The following IGSF21 variants were observed in gnomAD, a reference collection of about 807,000 sequenced individuals.
IGSF21 encodes the protein immunoglobin superfamily member 21, also known as immunoglobulin superfamily member 21.
IGSF21 carries 28 observed loss-of-function variants against 46.8 expected under a neutral mutation model. That is an observed-to-expected ratio of 0.60 (90% CI 0.44 to 0.82). The LOEUF (loss-of-function observed/expected upper bound fraction) is 0.82. Ranked by LOEUF, IGSF21 falls within the 40% of genes least tolerant of loss-of-function variation. IGSF21 has a pLI of 0.00. For missense variants in IGSF21, 624 were observed against 665.5 expected (o/e 0.94, Z 0.69); for synonymous variants, 284 against 273.6 (o/e 1.04, Z -0.38).
At chr1:18,143,107 G>A (rs1031084488) in intron 1 of IGSF21, among the ~76,000 whole-genome samples, 10 of 152,236 alleles carry the variant, frequency 6.6e-5, no homozygotes, top group African/African-American at 2.2e-4. Flanking sequence ...GATGTCTGCG[G>A]TTCAGCTTCC....
At chr1:18,255,158 C>A (rs1400176680) in intron 2 of IGSF21, among the ~76,000 whole-genome samples, 3 of 152,180 alleles carry the variant, frequency 2.0e-5, no homozygotes, top group Non-Finnish European at 2.9e-5. Flanking sequence ...AGAAGTGTCC[C>A]AGCACCTGGA....
chr1:18,251,556 A>G (rs1332745960), intron 2 of IGSF21, among the ~76,000 whole-genome samples: 1 of 152,124 alleles, frequency 6.6e-6, no homozygotes, highest in African/African-American at 2.4e-5. Context: ...AGTCATGTGG[A>G]TTGCTCTTAT....
intron 1 of IGSF21, among the ~76,000 whole-genome samples, chr1:18,174,072 A>G (rs772896113): frequency 3.9e-5 from 6 of 152,184 alleles, no homozygotes; most frequent in Non-Finnish European, 7.3e-5. Context: ...TTTTAAAATC[A>G]TACTTTCCAT....
rs1386662055 is a variant in IGSF21 at position 18,290,968 on chromosome 1, T to TC, written c.184-895dup. Among the ~76,000 whole-genome samples the TC allele has an allele frequency of 6.6e-6, 1 of 152,148 alleles. No homozygotes were observed. The highest frequency in any genetic ancestry group is 1.9e-4 in the East Asian group (1 of 5,166). Reference sequence around the variant, plus strand: ...AGCTGAGCTGCGAGAGGCTGCAAGCTCCCAGTCTATAATAGAGTTGCTGAG... The same window carrying TC: ...AGCTGAGCTGCGAGAGGCTGCAAGCTCCCCAGTCTATAATAGAGTTGCTGAG... On this transcript the variant is annotated intron_variant, in intron 2 of 9. Coordinates refer to ENST00000251296, the MANE Select transcript of IGSF21 (RefSeq NM_032880.5). This position sits in a 1 kb window ranked among gnomAD's most constrained non-coding sequence, Gnocchi z 4.2.
At chr1:18,354,991 CA>C (rs935458096) in intron 4 of IGSF21, among the ~76,000 whole-genome samples, 22 of 152,184 alleles carry the variant, frequency 1.4e-4, no homozygotes, top group African/African-American at 5.3e-4. Context: ...GAGAGGCTGG[CA>C]GGGTATGTCT....
intron 4 of IGSF21, among the ~76,000 whole-genome samples, chr1:18,358,026 A>C (rs1388270914): frequency 1.3e-5 from 2 of 151,184 alleles, no homozygotes; most frequent in Non-Finnish European, 2.9e-5. Context: ...TTAGGTGCAG[A>C]TCTCCAGAGA....
chr1:18,375,587 A>G (rs1295363248), intron 6 of IGSF21, among the ~76,000 whole-genome samples: 3 of 152,172 alleles, frequency 2.0e-5, no homozygotes, highest in Non-Finnish European at 4.4e-5. Context: ...GAAAGTGAGG[A>G]AGAGAGGCAG....
chr1:18,365,728 C>T lies in IGSF21; in HGVS notation c.1015+31C>T. The T allele has an allele frequency of 6.5e-7, 1 of 1,548,448 alleles. No individual in the cohort carries two copies. On this transcript the variant is annotated intron_variant, in intron 6 of 9. Transcript: ENST00000251296. The surrounding 1 kb of genome is among the most constrained non-coding windows in gnomAD (Gnocchi z 4.8). The stretch of plus-strand genomic sequence containing the variant: ...ACTTGGTGGGGGCCCTTCTGTAGAG[C>T]CCTTGCAGACCTGGGTGTGGGGAGA...
chr1:18,237,602 G>A (rs1175900578), intron 2 of IGSF21, among the ~76,000 whole-genome samples: 2 of 152,172 alleles, frequency 1.3e-5, no homozygotes, highest in African/African-American at 4.8e-5. Flanking sequence ...CCTCTGTGAA[G>A]CCTTCTGACC....
At chr1:18,323,095 G>A (rs1049920571) in intron 3 of IGSF21, among the ~76,000 whole-genome samples, 1 of 152,212 alleles carries the variant, frequency 6.6e-6, no homozygotes, top group Non-Finnish European at 1.5e-5. Flanking sequence ...AGGATCCCAA[G>A]CTAAGCTCTC....
chr1:18,146,412 C>T (rs563673158), intron 1 of IGSF21, among the ~76,000 whole-genome samples: 6 of 152,156 alleles, frequency 3.9e-5, no homozygotes, highest in East Asian at 1.9e-4. Flanking sequence ...GCTCAGCGGG[C>T]GACCTTGACT....
At chr1:18,339,365 A>G (rs919173231) in intron 4 of IGSF21, among the ~76,000 whole-genome samples, 6 of 152,198 alleles carry the variant, frequency 3.9e-5, no homozygotes, top group African/African-American at 1.4e-4. Flanking sequence ...CAAACCTCAA[A>G]CAAGCACTGG....
chr1:18,359,385 A>T (rs985652129), intron 4 of IGSF21, among the ~76,000 whole-genome samples: 68 of 68,530 alleles, frequency 9.9e-4, no homozygotes, highest in African/African-American at 3.9e-3. Flanking sequence ...AAAGAAAGAA[A>T]GGAAGGAAGG....
At chr1:18,135,032 T>G (rs951446637) in intron 1 of IGSF21, among the ~76,000 whole-genome samples, 2 of 152,192 alleles carry the variant, frequency 1.3e-5, no homozygotes, top group Non-Finnish European at 2.9e-5. Context: ...GTCAGCTTAG[T>G]GAGCTGGGGT....
intron 3 of IGSF21, among the ~76,000 whole-genome samples, chr1:18,330,538 G>A (rs1231682129): frequency 6.8e-6 from 1 of 147,870 alleles, no homozygotes; most frequent in African/African-American, 2.6e-5. Context: ...GAAGGTGGGA[G>A]ACATGGCTGG....
At position 18,229,776 on chromosome 1, in the gene IGSF21, A is replaced by T. The variant is rs1351490769; in HGVS notation, c.183+1766A>T. 3.9e-5 allele frequency among the ~76,000 whole-genome samples: 6 copies of T among 152,340 alleles called. No homozygotes were observed. In the East Asian group the frequency reaches 1.2e-3, roughly 29 times the overall value. Reference sequence around the variant, plus strand: ...TCACTAAGAGGTGTATTTACAGGATATGGGAACTGCTTGGCTGACACAGGC... The same window carrying T: ...TCACTAAGAGGTGTATTTACAGGATTTGGGAACTGCTTGGCTGACACAGGC... On this transcript the variant is annotated intron_variant, in intron 2 of 9. Transcript: ENST00000251296.
chr1:18,165,868 C>T (rs888914840), intron 1 of IGSF21, among the ~76,000 whole-genome samples: 2 of 152,190 alleles, frequency 1.3e-5, no homozygotes, highest in Admixed American at 1.3e-4. Context: ...AAGTTACTTC[C>T]TCCTTCCTTT....
chr1:18,133,838 T>G (rs2086344646), intron 1 of IGSF21, among the ~76,000 whole-genome samples: 1 of 152,266 alleles, frequency 6.6e-6, no homozygotes, highest in African/African-American at 2.4e-5. Context: ...TTGTAGGGGC[T>G]CGTGAATATT....
At chr1:18,265,712 G>A (rs1166365132) in intron 2 of IGSF21, among the ~76,000 whole-genome samples, 4 of 152,200 alleles carry the variant, frequency 2.6e-5, no homozygotes, top group Non-Finnish European at 4.4e-5. Context: ...TCCCCCATGT[G>A]GCACTGCTGG....
Sources: allele counts gnomAD v4.1 joint callset (sites outside exome capture counted in the v4.1 genomes callset), GRCh38; gene constraint gnomAD v4.1.1; non-coding constraint Gnocchi (gnomAD v3.1); transcripts MANE v1.5; gene names NCBI Gene and HGNC (gene_info 2026-07-23, HGNC 2026-07-21).